RAB7A: variants seen among roughly 807,000 people sequenced by gnomAD.
RAB7A encodes the protein RAB7A, member RAS oncogene family, also known as ras-related protein Rab-7a.
A neutral mutation model predicts 24.5 loss-of-function variants in RAB7A; 2 were observed. That is an observed-to-expected ratio of 0.08 (90% CI 0.03 to 0.26). RAB7A has a LOEUF of 0.26. RAB7A is among the 10% of genes least tolerant of loss of function. The pLI, the probability that RAB7A is intolerant of heterozygous loss-of-function variation, is 1.00. For missense variants in RAB7A, 118 were observed against 255.7 expected, an observed-to-expected ratio of 0.46 and a Z score of 3.67; for synonymous variants, 100 against 95.9, an observed-to-expected ratio of 1.04 and a Z score of -0.25.
intron 4 of RAB7A, 70 bp downstream of exon 4, chr3:128,806,660 T>G (rs1411788747): frequency 2.1e-6 from 3 of 1,443,340 alleles, no homozygotes; most frequent in Non-Finnish European, 2.9e-6. Flanking sequence ...TTTGGAGGGT[T>G]CTCTGCTAAG....
intron 1 of RAB7A, among the ~76,000 whole-genome samples, chr3:128,792,544 C>T (rs996211407): frequency 1.4e-4 from 21 of 145,014 alleles, no homozygotes; most frequent in African/African-American, 4.9e-4. Flanking sequence ...GTAGCTGGGA[C>T]TACAGGTGCG....
chr3:128,790,910 C>T (rs1933440741), intron 1 of RAB7A, among the ~76,000 whole-genome samples: 1 of 152,062 alleles, frequency 6.6e-6, no homozygotes, highest in South Asian at 2.1e-4. Context: ...TCAAAAACAA[C>T]AACAACAACA....
intron 1 of RAB7A, among the ~76,000 whole-genome samples, chr3:128,784,506 G>A (rs1037109687): frequency 6.6e-6 from 1 of 152,192 alleles, no homozygotes; most frequent in South Asian, 2.1e-4. Flanking sequence ...CAGGCAGGGC[G>A]CTGGCTCTGC....
intron 1 of RAB7A, among the ~76,000 whole-genome samples, chr3:128,772,116 G>C (rs1932952520): frequency 6.6e-6 from 1 of 152,210 alleles, no homozygotes; most frequent in Non-Finnish European, 1.5e-5. Flanking sequence ...ACAAAGAGCA[G>C]ACATACATGT....
rs59043831 is a variant in RAB7A, at chr3:128,740,897, C to CA, written c.-9+14564dup. Reference sequence around the variant, plus strand: ...GCCTAGGTGACAGAGGGAGATGTCTCAAAAAAAAAAAAAAAAAAAAAAAAA... The same window carrying CA: ...GCCTAGGTGACAGAGGGAGATGTCTCAAAAAAAAAAAAAAAAAAAAAAAAAA... On this transcript the variant is annotated intron_variant, in intron 1 of 5. Transcript: ENST00000265062. 2.2e-3 allele frequency among the ~76,000 whole-genome samples: 178 copies of CA among 79,592 alleles called. 11 individuals are homozygous for CA. Among genetic ancestry groups the CA allele is most frequent in the Non-Finnish European group, 4.1e-3 (149 of 36,236 alleles). The allele number at this position is 79,592 out of a possible 152,430, so 52.2% of individuals were successfully genotyped here.
In RAB7A at chr3:128,727,174, CCT is replaced by C. The variant is rs778742686; in HGVS notation, c.-9+816_-9+817del. Among the ~76,000 whole-genome samples, 16 of 152,302 alleles carry C rather than the reference CCT, an allele frequency of 1.1e-4. 1 individual carries two copies. The highest frequency in any genetic ancestry group is 3.3e-4 in the Admixed American group (5 of 15,300). On this transcript the variant is annotated intron_variant, in intron 1 of 5. Transcript: ENST00000265062. ...TTGTATGCTAGGCAGCGTGGCAAGA[CCT>C]TTTAACAGATCATTATGTTTAGTTC...
chr3:128,779,897 G>T (rs1933182486), intron 1 of RAB7A, among the ~76,000 whole-genome samples: 1 of 152,232 alleles, frequency 6.6e-6, no homozygotes, highest in African/African-American at 2.4e-5. Context: ...ACCTCATGAG[G>T]AGATAGGAGA....
Position 128,813,556 on chromosome 3 carries a change from A to G in RAB7A, c.*134A>G. The G allele has an allele frequency of 1.3e-6, 1 of 788,022 alleles. No individual in the cohort carries two copies. Among genetic ancestry groups the G allele is most frequent in the Non-Finnish European group, 2.2e-6 (1 of 461,278 alleles). The allele number at this position is 788,022 out of a possible 1,614,324, so 48.8% of individuals were successfully genotyped here. A position where few individuals can be genotyped will look rare whatever the true frequency, so the allele number is the denominator to read the frequency against. On this transcript the variant is annotated 3_prime_UTR_variant, in exon 6 of 6. Coordinates refer to ENST00000265062, the MANE Select transcript of RAB7A (RefSeq NM_004637.6). ...CATCCAGCTGCCAAAAGAAAACCCCATCAAACACAGTTACACCCCACATAT... is the reference window on the plus strand; with the variant it reads ...CATCCAGCTGCCAAAAGAAAACCCCGTCAAACACAGTTACACCCCACATAT...
chr3:128,770,783 A>G (rs141345609), intron 1 of RAB7A, among the ~76,000 whole-genome samples: 1,810 of 152,290 alleles, frequency 0.012, 33 homozygotes, highest in African/African-American at 0.039. Context: ...AATTGTAATT[A>G]AGAAGGCAAA....
At position 128,813,713 on chromosome 3, in the gene RAB7A, A is replaced by G. The variant is rs2107618616; in HGVS notation, c.*291A>G. The G allele has an allele frequency of 2.1e-6, 1 of 468,808 alleles. No homozygotes were observed. Among genetic ancestry groups the G allele is most frequent in the South Asian group, 2.1e-5 (1 of 48,492 alleles). 29.0% of individuals were successfully genotyped at this position (468,808 alleles called of 1,614,324 possible). On this transcript the variant is annotated 3_prime_UTR_variant, in exon 6 of 6. Transcript: ENST00000265062. ...GAGCCCGCGAGTATGGCAGCAGGAC[A>G]AGCCAGCGGTGGAAGTCATTCTGAT...
intron 1 of RAB7A, among the ~76,000 whole-genome samples, chr3:128,777,753 G>A (rs1360110618): frequency 6.6e-6 from 1 of 152,142 alleles, no homozygotes; most frequent in East Asian, 1.9e-4. Context: ...TTTTTGAGAT[G>A]GAGTCTTACT....
intron 1 of RAB7A, among the ~76,000 whole-genome samples, chr3:128,768,256 T>C (rs907500938): frequency 6.6e-6 from 1 of 152,236 alleles, no homozygotes; most frequent in African/African-American, 2.4e-5. Context: ...TATGTATCTA[T>C]AGTTCATTCC....
intron 5 of RAB7A, among the ~76,000 whole-genome samples, chr3:128,813,036 A>G (rs1389621286): frequency 1.3e-5 from 2 of 152,254 alleles, no homozygotes; most frequent in African/African-American, 2.4e-5. Context: ...GAGAATGTCC[A>G]TGAACTTCTG....
chr3:128,795,118 C>T, intron 1 of RAB7A: 1 of 560,230 alleles, frequency 1.8e-6, no homozygotes, highest in Non-Finnish European at 3.2e-6. Flanking sequence ...TGAGAGAATA[C>T]ATTCTCTCCA....
Position 128,730,769 on chromosome 3 carries a change from G to A in RAB7A, c.-9+4410G>A, listed in dbSNP as rs564109937. 7.9e-5 allele frequency among the ~76,000 whole-genome samples: 12 copies of A among 152,316 alleles called. No individual in the cohort carries two copies. In the East Asian group the frequency reaches 2.3e-3, roughly 29 times the overall value. ...GTTCCAATGCTGACCTACAGCATTG[G>A]CCTTGTTCATTTGCTTGAAGATGCA... On this transcript the variant is annotated intron_variant, in intron 1 of 5. Coordinates refer to ENST00000265062, the MANE Select transcript of RAB7A (RefSeq NM_004637.6).
At chr3:128,753,445 C>T (rs956264960) in intron 1 of RAB7A, among the ~76,000 whole-genome samples, 4 of 151,910 alleles carry the variant, frequency 2.6e-5, no homozygotes, top group African/African-American at 9.7e-5. Context: ...ATTTCGTATG[C>T]GTGTGTGTGT....
chr3:128,803,256 A>G (rs1174928373), intron 3 of RAB7A, among the ~76,000 whole-genome samples: 2 of 152,222 alleles, frequency 1.3e-5, no homozygotes, highest in Non-Finnish European at 2.9e-5. Flanking sequence ...GCATTTGAAA[A>G]TACAGAAAGT....
At chr3:128,737,915 ATCC>A (rs1378945873) in intron 1 of RAB7A, among the ~76,000 whole-genome samples, 4 of 133,406 alleles carry the variant, frequency 3.0e-5, no homozygotes, top group Non-Finnish European at 4.6e-5. Context: ...GCCTCAAGTG[ATCC>A]TCCTATTTTG....
chr3:128,750,498 GTGATTCACCTGCC>G (rs1353770959), intron 1 of RAB7A, among the ~76,000 whole-genome samples: 2 of 152,110 alleles, frequency 1.3e-5, no homozygotes, highest in African/African-American at 4.8e-5. Flanking sequence ...CTGACTTCAG[GTGATTCACCTGCC>G]TCAGCCTCCC....
Sources: gnomAD v4.1 joint callset for allele counts (sites outside exome capture counted in the v4.1 genomes callset) on GRCh38, gnomAD v4.1.1 for gene constraint, MANE v1.5 for transcripts, NCBI Gene and HGNC (gene_info 2026-07-23, HGNC 2026-07-21) for gene names.